The following DOCK11 variants were observed in gnomAD, a reference collection of about 807,000 sequenced individuals.
DOCK11 encodes the protein dedicator of cytokinesis protein 11.
DOCK11 carries 70 observed loss-of-function variants against 169.1 expected under a neutral mutation model. That is an observed-to-expected ratio of 0.41 (90% CI 0.34 to 0.51). The LOEUF (loss-of-function observed/expected upper bound fraction) is 0.51, where lower values mean the gene tolerates loss of function less well. DOCK11 is among the 20% of genes least tolerant of loss of function. DOCK11 has a pLI of 0.10. For missense variants in DOCK11, 1,166 were observed against 1,538.8 expected, an observed-to-expected ratio of 0.76 and a Z score of 4.05; for synonymous variants, 529 against 541.3, an observed-to-expected ratio of 0.98 and a Z score of 0.32.
chrX:118,525,775 C>T (rs1174733474), intron 1 of DOCK11, among the ~76,000 whole-genome samples: 1 of 110,991 alleles, frequency 9.0e-6, no homozygotes, highest in African/African-American at 3.3e-5. Context: ...TTGGATTATA[C>T]CAGCGGTACT....
At chrX:118,570,454 C>G (rs564056214) in intron 10 of DOCK11, among the ~76,000 whole-genome samples, 35 of 112,058 alleles carry the variant, frequency 3.1e-4, no homozygotes, top group Middle Eastern at 4.6e-3. Context: ...GATATGTGTT[C>G]AAGAGGGAGC....
chrX:118,626,640 C>T (rs1428334837), intron 32 of DOCK11, among the ~76,000 whole-genome samples: 5 of 111,575 alleles, frequency 4.5e-5, no homozygotes, highest in Admixed American at 2.9e-4. Context: ...TTTGTCATGC[C>T]TGTCCTGTGT....
intron 5 of DOCK11, 59 bp downstream of exon 5, chrX:118,545,451 G>GA: frequency 1.2e-6 from 1 of 848,447 alleles, no homozygotes; most frequent in Non-Finnish European, 1.6e-6. Flanking sequence ...TCACTTTGCT[G>GA]AAAAAGATTT....
At chrX:118,616,125 G>A in intron 30 of DOCK11, 1 of 612,539 alleles carries the variant, frequency 1.6e-6, no homozygotes, top group Non-Finnish European at 2.2e-6. Flanking sequence ...TAGTTTTATT[G>A]AATGCTTTGT....
At chrX:118,621,650 T>C (rs1390852140) in intron 31 of DOCK11, among the ~76,000 whole-genome samples, 1 of 111,103 alleles carries the variant, frequency 9.0e-6, no homozygotes, top group African/African-American at 3.3e-5. Context: ...TCTTTTTTTT[T>C]TGTGACGGAG....
chrX:118,516,004 A>AATATATATATATATATATATATATATAT (rs1191968312), intron 1 of DOCK11, among the ~76,000 whole-genome samples: 1,420 of 44,823 alleles, frequency 0.032, 112 homozygotes, highest in South Asian at 0.052. Flanking sequence ...GATTTGGGCA[A>AATATATATATATATATATATATATATAT]ATATATATAT....
intron 12 of DOCK11, among the ~76,000 whole-genome samples, chrX:118,577,193 G>A (rs1212298695): frequency 1.8e-5 from 2 of 112,315 alleles, no homozygotes; most frequent in East Asian, 2.8e-4. Context: ...GTGGCAGTTA[G>A]CGTAACACTG....
intron 7 of DOCK11, among the ~76,000 whole-genome samples, chrX:118,561,987 G>GA (rs2012927405): frequency 9.1e-6 from 1 of 109,733 alleles, no homozygotes; most frequent in African/African-American, 3.3e-5. Flanking sequence ...GCAACATGGT[G>GA]AAACCCCGTC....
intron 31 of DOCK11, among the ~76,000 whole-genome samples, chrX:118,620,109 C>T (rs1222217671): frequency 9.0e-6 from 1 of 111,300 alleles, no homozygotes; most frequent in African/African-American, 3.3e-5. Context: ...AGCCACCATG[C>T]CCGGCCTATT....
intron 6 of DOCK11, among the ~76,000 whole-genome samples, chrX:118,554,597 A>G (rs1228023453): frequency 9.0e-6 from 1 of 111,636 alleles, no homozygotes; most frequent in Non-Finnish European, 1.9e-5. Context: ...GAGGTGAGAC[A>G]CACAATAAAA....
chrX:118,563,323 A>C (rs1455483578), intron 7 of DOCK11, among the ~76,000 whole-genome samples: 1 of 111,315 alleles, frequency 9.0e-6, no homozygotes, highest in Non-Finnish European at 1.9e-5. Flanking sequence ...GTGTGCCTGT[A>C]GTGCCAGCTA....
At chrX:118,509,281 T>C (rs969295808) in intron 1 of DOCK11, among the ~76,000 whole-genome samples, 201 of 110,306 alleles carry the variant, frequency 1.8e-3, no homozygotes, top group African/African-American at 6.4e-3. Flanking sequence ...CTCTCTTTTT[T>C]TTTTTCTGGA....
intron 19 of DOCK11, among the ~76,000 whole-genome samples, 192 bp downstream of exon 19, chrX:118,590,494 C>T (rs926804338): frequency 9.0e-6 from 1 of 110,970 alleles, no homozygotes; most frequent in Non-Finnish European, 1.9e-5. Flanking sequence ...AGATTTACCC[C>T]CCAATTTAAG....
chrX:118,591,138 C>T (rs771324524), intron 19 of DOCK11, among the ~76,000 whole-genome samples: 1 of 112,223 alleles, frequency 8.9e-6, no homozygotes, highest in African/African-American at 3.2e-5. Flanking sequence ...TGGTCTGAAA[C>T]CATCCCCCCG....
rs1033134649 is a variant in DOCK11, at chrX:118,615,841, C to A, written c.3292+130C>A. 9.8e-6 allele frequency: 5 copies of A among 511,968 alleles called. No homozygotes were observed. The African/African-American group carries it at 1.2e-4, about 12-fold the overall frequency. 42.2% of individuals were successfully genotyped at this position (511,968 alleles called of 1,213,427 possible). On this transcript the variant is annotated intron_variant, in intron 30 of 52. Transcript: ENST00000276202. ...TTTCAGAATTGTTACTATCTGAAGT[C>A]CATTAATGTTTTTCTGCATTTCCTT...
chrX:118,624,754 C>A, intron 32 of DOCK11, 99 bp downstream of exon 32: 9 of 235,051 alleles, frequency 3.8e-5, no homozygotes, highest in Non-Finnish European at 5.7e-5. Context: ...TAAGAGTTCA[C>A]TTTTTTTTTT....
chrX:118,647,943 T>C (rs1484857060), intron 40 of DOCK11, among the ~76,000 whole-genome samples: 2 of 52,090 alleles, frequency 3.8e-5, no homozygotes, highest in Non-Finnish European at 6.2e-5. Context: ...ATATATTTTA[T>C]AATATATAAT....
At chrX:118,632,080 G>A (rs1464519772) in intron 35 of DOCK11, among the ~76,000 whole-genome samples, 5 of 110,860 alleles carry the variant, frequency 4.5e-5, no homozygotes, top group African/African-American at 1.3e-4. Context: ...TCAGCCTCCC[G>A]AGTAGCTGGG....
chrX:118,594,116 A>T lies in DOCK11; in HGVS notation c.2263+779A>T, dbSNP rs112948321. On this transcript the variant is annotated intron_variant, in intron 20 of 52. Coordinates refer to ENST00000276202, the MANE Select transcript of DOCK11 (RefSeq NM_144658.4). ...GCTGACTAGTTCTAATGAGAAGATA[A>T]CTGATTTAACAAACTTGAATAAGCT... Among the ~76,000 whole-genome samples the T allele has an allele frequency of 5.3e-3, 595 of 111,534 alleles. 4 individuals carry two copies. Among genetic ancestry groups the T allele is most frequent in the African/African-American group, 0.019 (569 of 30,693 alleles).
Sources: allele counts gnomAD v4.1 joint callset (sites outside exome capture counted in the v4.1 genomes callset), GRCh38; gene constraint gnomAD v4.1.1; transcripts MANE v1.5; gene names NCBI Gene and HGNC (gene_info 2026-07-23, HGNC 2026-07-21).